The following IL17RD variants were observed in gnomAD, a reference collection of about 807,000 sequenced individuals.
IL17RD encodes interleukin-17 receptor D.
Under a neutral mutation model 80.5 loss-of-function variants are expected in IL17RD, and 52 were observed. The observed-to-expected ratio is 0.65, with a 90% CI of 0.52 to 0.81. The LOEUF (loss-of-function observed/expected upper bound fraction) is 0.81. Among genes scored for constraint, IL17RD ranks in the 40% least tolerant of loss-of-function variants. The pLI, the probability that IL17RD is intolerant of heterozygous loss-of-function variation, is 0.00. For missense variants in IL17RD, 1,024 were observed against 955.1 expected (o/e 1.07, Z -0.95); for synonymous variants, 416 against 391.8 (o/e 1.06, Z -0.73).
intron 2 of IL17RD, among the ~76,000 whole-genome samples, chr3:57,116,657 A>C (rs1429318055): frequency 1.3e-5 from 2 of 151,924 alleles, no homozygotes; most frequent in Non-Finnish European, 1.5e-5. Context: ...GTGAATATTC[A>C]CTCTTAAAGC....
At chr3:57,110,614 C>A (rs1313737298) in intron 3 of IL17RD, among the ~76,000 whole-genome samples, 1 of 152,230 alleles carries the variant, frequency 6.6e-6, no homozygotes, top group Non-Finnish European at 1.5e-5. Flanking sequence ...TACAATTGGT[C>A]ATAAAAAGTC....
intron 1 of IL17RD, among the ~76,000 whole-genome samples, chr3:57,121,137 T>C (rs1264799830): frequency 6.6e-6 from 1 of 152,236 alleles, no homozygotes; most frequent in Admixed American, 6.5e-5. Flanking sequence ...TCAGCATTAA[T>C]CACAGAATTC....
In IL17RD at chr3:57,097,875, G is replaced by C. The variant is rs765077166; in HGVS notation, c.1828C>G (p.Leu610Val). 4 of 1,613,720 alleles carry C rather than the reference G, an allele frequency of 2.5e-6. No individual in the cohort carries two copies. In the African/African-American group the frequency reaches 4.0e-5, roughly 16 times the overall value. ...GAGTCGGCTGGTCCGGTTGCCCCAAGAACAGCCGCCTCTACCTTTAGGCAG... is the reference window on the plus strand; with the variant it reads ...GAGTCGGCTGGTCCGGTTGCCCCAACAACAGCCGCCTCTACCTTTAGGCAG... ...DFCLKVEAAV[L>V]GATGPADSQH... The change falls in exon 12 of 13, where the codon CTT becomes GTT. Residue 610 changes from leucine (L) to valine (V), a missense_variant. Leu to Val is a conservative substitution (Grantham distance 32). Transcript: ENST00000296318.
intron 9 of IL17RD, 47 bp from the exon 10 acceptor site, chr3:57,102,636 G>T (rs1432027324): frequency 9.9e-6 from 10 of 1,005,798 alleles, no homozygotes; most frequent in Admixed American, 8.9e-5. Flanking sequence ...CAGTGTAAAG[G>T]TTCAAAGAGA....
In IL17RD at chr3:57,102,594, G is replaced by A. The variant is rs969194678; in HGVS notation, c.869-5C>T. On this transcript the variant is annotated splice_polypyrimidine_tract_variant and splice_region_variant and intron_variant, in intron 9 of 12. Coordinates refer to ENST00000296318, the MANE Select transcript of IL17RD (RefSeq NM_017563.5). ...GCCCGGCCCACGGGGAGTGCACTGG[G>A]AAATTTCAAAGGGAAAGTTTTTAAA... is the stretch of plus-strand genomic sequence containing the variant. 1.4e-6 allele frequency: 2 copies of A among 1,465,234 alleles called. No individual in the cohort carries two copies. Among genetic ancestry groups the A allele is most frequent in the African/African-American group, 1.4e-5 (1 of 71,816 alleles). 90.8% of individuals were successfully genotyped at this position (1,465,234 alleles called of 1,614,324 possible).
At chr3:57,099,510 T>G (rs1165055428) in intron 11 of IL17RD, among the ~76,000 whole-genome samples, 2 of 152,230 alleles carry the variant, frequency 1.3e-5, no homozygotes, top group Non-Finnish European at 2.9e-5. Flanking sequence ...CACACTATCT[T>G]ACAGGGAAGG....
intron 5 of IL17RD, among the ~76,000 whole-genome samples, chr3:57,108,534 T>TTTTTTTTG (rs1707017703): frequency 7.0e-6 from 1 of 142,280 alleles, no homozygotes; most frequent in African/African-American, 2.6e-5. Flanking sequence ...TTTTTTTTTT[T>TTTTTTTTG]AGATGGAGGT....
In IL17RD at chr3:57,097,899, A is replaced by G; in HGVS notation, c.1804T>C (p.Cys602Arg). 2 of 1,614,008 alleles carry G rather than the reference A, an allele frequency of 1.2e-6. No homozygotes were observed. The highest frequency in any genetic ancestry group is 1.7e-6 in the Non-Finnish European group (2 of 1,179,896). Residue 602 changes from cysteine to arginine, a missense_variant, in exon 12 of 13, where the codon TGC (cysteine) becomes CGC (arginine). Coordinates refer to ENST00000296318, the MANE Select transcript of IL17RD (RefSeq NM_017563.5). ...AGAACAGCCGCCTCTACCTTTAGGC[A>G]GAAGTCACTCTCAGGCCCTGGTTTG... Reference protein sequence around the residue: ...MCKPGPESDFCLKVEAAVLGA... With the variant: ...MCKPGPESDFRLKVEAAVLGA...
chr3:57,142,885 C>A (rs1707857173), intron 1 of IL17RD, among the ~76,000 whole-genome samples: 2 of 152,136 alleles, frequency 1.3e-5, no homozygotes. Context: ...GCTTCCTCAA[C>A]CCAATGATTT....
Position 57,110,295 on chromosome 3 carries a change from T to C in IL17RD, c.327A>G (p.Lys109=), listed in dbSNP as rs1707067891. ...SPGALGIEFL[K]GFRVILEELK... ...GCTCCTCCAGTATTACCCGAAATCC[T>C]TTCAGGAATTCGATGCCTAAGCAAA... Residue 109 remains lysine, a synonymous_variant, in exon 4 of 13, where the codon AAA becomes AAG. Coordinates refer to ENST00000296318, the MANE Select transcript of IL17RD (RefSeq NM_017563.5). The C allele has an allele frequency of 1.2e-6, 2 of 1,603,118 alleles. No homozygotes were observed. The highest frequency in any genetic ancestry group is 2.3e-5 in the South Asian group (2 of 88,670).
In IL17RD at chr3:57,092,383, T is replaced by C. The variant is rs1262135347; in HGVS notation, c.*4010A>G. The C allele has an allele frequency of 6.6e-6, 1 of 152,588 alleles. No individual in the cohort carries two copies. The highest frequency in any genetic ancestry group is 1.5e-5 in the Non-Finnish European group (1 of 68,080). 9.5% of individuals were successfully genotyped at this position (152,588 alleles called of 1,614,324 possible). On this transcript the variant is annotated 3_prime_UTR_variant, in exon 13 of 13. Coordinates refer to ENST00000296318, the MANE Select transcript of IL17RD (RefSeq NM_017563.5). ...GCAAGCGGATCACCAGGTCAGGAGA[T>C]CGAGATCATCCTGGCTAACACAGTG...
intron 1 of IL17RD, among the ~76,000 whole-genome samples, chr3:57,155,506 T>C (rs2060261215): frequency 6.6e-6 from 1 of 152,186 alleles, no homozygotes; most frequent in South Asian, 2.1e-4. Flanking sequence ...AACTGTGGTG[T>C]GAATGAATAA....
At chr3:57,170,228 C>A (rs2060363469), upstream of IL17RD, 1 of 152,238 alleles carries the variant, frequency 6.6e-6, no homozygotes, top group Non-Finnish European at 1.5e-5. Flanking sequence ...TGGAGCGGTG[C>A]GTACCTTGGC....
At chr3:57,113,150 A>G (rs945511317) in intron 3 of IL17RD, among the ~76,000 whole-genome samples, 2 of 152,226 alleles carry the variant, frequency 1.3e-5, no homozygotes, top group African/African-American at 4.8e-5. Context: ...CAATTCATTC[A>G]AGAGGACAAG....
At chr3:57,164,369 C>A (rs1421630785) in intron 1 of IL17RD, among the ~76,000 whole-genome samples, 1 of 152,166 alleles carries the variant, frequency 6.6e-6, no homozygotes, top group African/African-American at 2.4e-5. Flanking sequence ...CGCCCATCGC[C>A]CAGACAGTGT....
intron 1 of IL17RD, among the ~76,000 whole-genome samples, chr3:57,128,750 C>G (rs1321439634): frequency 5.3e-5 from 8 of 152,144 alleles, no homozygotes; most frequent in Non-Finnish European, 1.0e-4. Context: ...CCACTGGAAC[C>G]AGCCGTGCAG....
intron 1 of IL17RD, among the ~76,000 whole-genome samples, chr3:57,146,327 A>G (rs1488846830): frequency 6.6e-6 from 1 of 152,238 alleles, no homozygotes; most frequent in Admixed American, 6.5e-5. Context: ...CCTAGCTTTA[A>G]TATTTCTAGA....
intron 1 of IL17RD, among the ~76,000 whole-genome samples, chr3:57,162,990 G>A (rs72875833): frequency 0.053 from 8,105 of 152,194 alleles, 706 homozygotes; most frequent in African/African-American, 0.18. Flanking sequence ...AAGGCATCCT[G>A]GGAGGAGGGA....
In IL17RD at chr3:57,096,263, G is replaced by A. The variant is rs998388785; in HGVS notation, c.*130C>T. The A allele has an allele frequency of 2.9e-6, 2 of 694,990 alleles. No individual in the cohort carries two copies. Among genetic ancestry groups the A allele is most frequent in the African/African-American group, 1.8e-5 (1 of 57,078 alleles). 43.1% of individuals were successfully genotyped at this position (694,990 alleles called of 1,614,324 possible). On this transcript the variant is annotated 3_prime_UTR_variant, in exon 13 of 13. Transcript: ENST00000296318. ...TTGGGGCAAGGGAGAACAAGTACTG[G>A]CCAGCATTTCACTCCAAATATCCTT...
Sources: allele counts gnomAD v4.1 joint callset (sites outside exome capture counted in the v4.1 genomes callset), GRCh38; gene constraint gnomAD v4.1.1; transcripts MANE v1.5; gene names NCBI Gene and HGNC (gene_info 2026-07-23, HGNC 2026-07-21).